PREX2: variants seen among roughly 807,000 people sequenced by gnomAD.
PREX2 encodes phosphatidylinositol 3,4,5-trisphosphate-dependent Rac exchanger 2 protein.
In PREX2, 107 loss-of-function variants were observed where a neutral mutation model predicts 203.2. That is an observed-to-expected ratio of 0.53 (90% CI 0.45 to 0.62). PREX2 has a LOEUF of 0.62. Ranked by LOEUF, PREX2 falls within the 20% of genes least tolerant of loss-of-function variation. The pLI, the probability that PREX2 is intolerant of heterozygous loss-of-function variation, is 0.00. For synonymous variants in PREX2, 672 were observed against 663.6 expected (o/e 1.01, Z -0.19); for missense variants, 1,777 against 1,955.9 (o/e 0.91, Z 1.72).
chr8:68,005,853 C>T (rs4737252), intron 1 of PREX2, among the ~76,000 whole-genome samples: 94,368 of 152,038 alleles, frequency 0.62, 29,390 homozygotes, highest in South Asian at 0.73. Context: ...ATTCACCTAG[C>T]GCTGAGAACA....
intron 37 of PREX2, among the ~76,000 whole-genome samples, chr8:68,194,278 C>A (rs934217020): frequency 1.3e-5 from 2 of 151,968 alleles, no homozygotes; most frequent in African/African-American, 4.8e-5. Context: ...ATAGTACGTA[C>A]TGCATTGGGG....
At chr8:68,044,415 T>TA in intron 7 of PREX2, 72 bp from the exon 8 acceptor site, 1 of 1,108,460 alleles carries the variant, frequency 9.0e-7, no homozygotes, top group Non-Finnish European at 1.4e-6. Flanking sequence ...AAGAATTGCC[T>TA]AAAATATATT....
chr8:68,114,157 C>T (rs570534348), intron 25 of PREX2, among the ~76,000 whole-genome samples: 6 of 152,222 alleles, frequency 3.9e-5, no homozygotes, highest in African/African-American at 9.6e-5. Context: ...CCACCGCGCC[C>T]GGCCCTTTTG....
intron 1 of PREX2, among the ~76,000 whole-genome samples, chr8:67,985,039 T>C (rs1232048852): frequency 1.3e-5 from 2 of 152,070 alleles, no homozygotes; most frequent in East Asian, 1.9e-4. Context: ...AGCGACTACG[T>C]TGTTCCAGTG....
At chr8:67,953,740 A>G (rs1805421152) in intron 1 of PREX2, among the ~76,000 whole-genome samples, 1 of 152,232 alleles carries the variant, frequency 6.6e-6, no homozygotes, top group Non-Finnish European at 1.5e-5. Context: ...TGACTTCTCA[A>G]AATCAATATA....
In PREX2 at chr8:68,044,697, G is replaced by C; in HGVS notation, c.943+107G>C. ...TTCACCTGCCATGTATTAGAGCTTA[G>C]AAATACTTTGTTAGGTAAAGTGGTT... On this transcript the variant is annotated intron_variant, in intron 8 of 39. Transcript: ENST00000288368. 3 of 768,758 alleles carry C rather than the reference G, an allele frequency of 3.9e-6. No individual in the cohort carries two copies. The South Asian group carries it at 5.5e-5, about 14-fold the overall frequency. 47.6% of individuals were successfully genotyped at this position (768,758 alleles called of 1,614,324 possible).
At chr8:68,157,269 G>A (rs1811560001) in intron 34 of PREX2, 53 bp from the exon 35 acceptor site, 2 of 901,792 alleles carry the variant, frequency 2.2e-6, no homozygotes, top group South Asian at 1.8e-5. Flanking sequence ...TACTACACGT[G>A]GAGAAATTGA....
chr8:68,187,772 G>A (rs549498734), intron 35 of PREX2, among the ~76,000 whole-genome samples: 10 of 152,242 alleles, frequency 6.6e-5, no homozygotes, highest in Admixed American at 2.6e-4. Flanking sequence ...TATGAGGATA[G>A]GAAATGCAAA....
chr8:68,071,292 G>C (rs1263398768), intron 13 of PREX2, among the ~76,000 whole-genome samples: 1 of 152,078 alleles, frequency 6.6e-6, no homozygotes, highest in African/African-American at 2.4e-5. Context: ...TGATAGTCAG[G>C]CTTTTAATAT....
At chr8:67,958,350 A>G (rs1313727807) in intron 1 of PREX2, among the ~76,000 whole-genome samples, 1 of 152,204 alleles carries the variant, frequency 6.6e-6, no homozygotes, top group East Asian at 1.9e-4. Flanking sequence ...GGAATGTGCT[A>G]TACTGGGAGA....
intron 37 of PREX2, among the ~76,000 whole-genome samples, chr8:68,217,362 T>C (rs1812863949): frequency 6.6e-6 from 1 of 152,240 alleles, no homozygotes; most frequent in African/African-American, 2.4e-5. Context: ...TTATTTAATT[T>C]TCTGTAGATA....
intron 1 of PREX2, among the ~76,000 whole-genome samples, chr8:67,967,311 G>C (rs1255084155): frequency 6.6e-6 from 1 of 152,118 alleles, no homozygotes; most frequent in Non-Finnish European, 1.5e-5. Context: ...GCTTTAACTA[G>C]TGTCATTCTT....
At chr8:68,050,916 A>G (rs973740807) in intron 8 of PREX2, among the ~76,000 whole-genome samples, 1 of 152,180 alleles carries the variant, frequency 6.6e-6, no homozygotes, top group African/African-American at 2.4e-5. Flanking sequence ...TGGTGGGAAC[A>G]TATTAGAACA....
At chr8:68,060,245 G>C (rs1808807732) in intron 10 of PREX2, among the ~76,000 whole-genome samples, 1 of 152,094 alleles carries the variant, frequency 6.6e-6, no homozygotes, top group Non-Finnish European at 1.5e-5. Flanking sequence ...CTGTGCCTGG[G>C]AACCACATTA....
At chr8:68,231,202 G>A (rs1170162941) in intron 39 of PREX2, 131 bp from the exon 40 acceptor site, 3 of 587,282 alleles carry the variant, frequency 5.1e-6, no homozygotes, top group African/African-American at 1.9e-5. Flanking sequence ...GTTATTTTTA[G>A]TGAAATAGAC....
At chr8:67,963,340 T>C (rs531425995) in intron 1 of PREX2, among the ~76,000 whole-genome samples, 1 of 152,240 alleles carries the variant, frequency 6.6e-6, no homozygotes, top group East Asian at 1.9e-4. Flanking sequence ...GGAGACTATA[T>C]CTTTATTATT....
At chr8:68,160,715 T>C (rs1361261889) in intron 35 of PREX2, among the ~76,000 whole-genome samples, 1 of 152,174 alleles carries the variant, frequency 6.6e-6, no homozygotes, top group East Asian at 1.9e-4. Context: ...CAAAATGAGA[T>C]TCATTTAGCC....
intron 6 of PREX2, among the ~76,000 whole-genome samples, chr8:68,032,910 C>A (rs974579075): frequency 1.2e-4 from 18 of 152,132 alleles, no homozygotes; most frequent in African/African-American, 3.9e-4. Context: ...CTCTCCAGCT[C>A]CTTCCACAGC....
At chr8:67,981,042 A>T (rs1184079773) in intron 1 of PREX2, among the ~76,000 whole-genome samples, 1 of 152,178 alleles carries the variant, frequency 6.6e-6, no homozygotes, top group African/African-American at 2.4e-5. Flanking sequence ...TGTGGTAAAT[A>T]ACAGGAGCAA....
Sources: allele counts gnomAD v4.1 joint callset (sites outside exome capture counted in the v4.1 genomes callset), GRCh38; gene constraint gnomAD v4.1.1; transcripts MANE v1.5; gene names NCBI Gene and HGNC (gene_info 2026-07-23, HGNC 2026-07-21).